GMIP: variants seen among roughly 807,000 people sequenced by gnomAD.
GMIP encodes GEM interacting protein.
Under a neutral mutation model 105.3 loss-of-function variants are expected in GMIP, and 54 were observed. The observed-to-expected ratio is 0.51, with a 90% CI of 0.41 to 0.64. The LOEUF (loss-of-function observed/expected upper bound fraction) is 0.64. GMIP is among the 30% of genes least tolerant of loss of function. GMIP has a pLI of 0.00. For synonymous variants in GMIP, 541 were observed against 560.8 expected (o/e 0.96, Z 0.50); for missense variants, 1,110 against 1,319.4 (o/e 0.84, Z 2.46).
rs2061874405 is a variant in GMIP, at chr19:19,638,012, T to G, written c.835A>C (p.Asn279His). The G allele has an allele frequency of 6.2e-7, 1 of 1,607,624 alleles. No individual in the cohort carries two copies. Among genetic ancestry groups the G allele is most frequent in the Admixed American group, 1.7e-5 (1 of 59,478 alleles). The change falls in exon 10 of 21, where the codon AAC becomes CAC. Residue 279 changes from asparagine (N) to histidine (H), a missense_variant. This residue lies in a region of GMIP where 667 missense variants were observed against 773.2 expected (regional missense o/e 0.86). Transcript: ENST00000203556. ...ALYQACVREA[N>H]ARQQDLEIAK... ...ATCTCCAGGTCCTGCTGCCGCGCGT[T>G]GGCCTCGCGGACACAGGCCTGGTAC...
Position 19,634,950 on chromosome 19 carries a change from A to C in GMIP, c.1750-21T>G, listed in dbSNP as rs759009136. The C allele has an allele frequency of 1.2e-6, 2 of 1,613,670 alleles. No homozygotes were observed. Among genetic ancestry groups the C allele is most frequent in the African/African-American group, 2.7e-5 (2 of 74,892 alleles). ...ATGCCCTGCAGGGTGAGGGTGAAAA[A>C]CAGACACCTGGTTCGTGATAGGCCA... On this transcript the variant is annotated intron_variant, in intron 16 of 20. Transcript: ENST00000203556. The surrounding 1 kb of genome is among the most constrained non-coding windows in gnomAD (Gnocchi z 6.1).
chr19:19,640,555 C>T lies in GMIP; in HGVS notation c.255G>A (p.Leu85=). 1 of 1,614,004 alleles carries T rather than the reference C, an allele frequency of 6.2e-7. No homozygotes were observed. The highest frequency in any genetic ancestry group is 8.5e-7 in the Non-Finnish European group (1 of 1,180,000). ...CACCCCCCTTTGTCCGAATGAGCCG[C>T]AAGTCCAGTTCCTCCCCTGGGGAAG... is the stretch of plus-strand genomic sequence containing the variant. ...PVPLTGEELD[L]RLIRTKGGVD... is the part of the protein sequence containing the mutation. Residue 85 remains leucine (L), a synonymous_variant, in exon 5 of 21, where the codon TTG becomes TTA. Coordinates refer to ENST00000203556, the MANE Select transcript of GMIP (RefSeq NM_016573.4).
Position 19,636,721 on chromosome 19 carries a change from G to A in GMIP, c.1313C>T (p.Pro438Leu). 1 of 1,612,806 alleles carries A rather than the reference G, an allele frequency of 6.2e-7. No individual in the cohort carries two copies. The highest frequency in any genetic ancestry group is 1.3e-5 in the African/African-American group (1 of 74,972). ...GGSESRSLDS[P>L]TSSPGAGTRQ... Reference sequence around the variant, plus strand: ...CCTATCCCTACCTGGGCTGGAAGTGGGTGAGTCCAGGGACCGAGACTCGCT... The same window carrying A: ...CCTATCCCTACCTGGGCTGGAAGTGAGTGAGTCCAGGGACCGAGACTCGCT... Residue 438 changes from proline (P) to leucine (L), a missense_variant, in exon 13 of 21, where the codon CCC becomes CTC. Pro to Leu is a moderately conservative substitution (Grantham distance 98). Transcript: ENST00000203556.
intron 19 of GMIP, among the ~76,000 whole-genome samples, chr19:19,631,443 A>G (rs2061794583): frequency 6.6e-6 from 1 of 152,140 alleles, no homozygotes; most frequent in Non-Finnish European, 1.5e-5. Flanking sequence ...CAGTGTCTAC[A>G]CATCAGACAC....
intron 2 of GMIP, 142 bp downstream of exon 2, chr19:19,642,393 A>G: frequency 1.5e-6 from 1 of 650,364 alleles, no homozygotes; most frequent in Non-Finnish European, 2.8e-6. Flanking sequence ...GGCATTTTGG[A>G]GGGTCCCATC....
At chr19:19,641,454 C>T (rs1226783417) in intron 4 of GMIP, among the ~76,000 whole-genome samples, 3 of 152,230 alleles carry the variant, frequency 2.0e-5, no homozygotes, top group Non-Finnish European at 4.4e-5. Flanking sequence ...TCGTATCTCA[C>T]TGCAGCCTCA....
At position 19,641,857 on chromosome 19, in the gene GMIP, G is replaced by A; in HGVS notation, c.191C>T (p.Ala64Val). Residue 64 changes from alanine to valine, a missense_variant, in exon 4 of 21, where the codon GCC becomes GTC. This residue lies in a region of GMIP where 667 missense variants were observed against 773.2 expected (regional missense o/e 0.86). Transcript: ENST00000203556. ...KTPTATVTNE[A>V]SCWSGPSPEG... ...TGGGGAGGGGCCGCTCCAACAGCTG[G>A]CTTCGTTGGTCTGTGCGGGAGGGAG... 1.2e-6 allele frequency: 2 copies of A among 1,613,324 alleles called. No homozygotes were observed. The highest frequency in any genetic ancestry group is 1.1e-5 in the South Asian group (1 of 91,008).
chr19:19,638,762 T>A (rs2061885930), intron 7 of GMIP, among the ~76,000 whole-genome samples: 1 of 151,198 alleles, frequency 6.6e-6, no homozygotes, highest in African/African-American at 2.4e-5. Flanking sequence ...CTAGTTAATT[T>A]AAAAAACAAT....
In GMIP at chr19:19,639,322, C is replaced by G. The variant is rs567738514; in HGVS notation, c.537+763G>C. 3.9e-4 allele frequency among the ~76,000 whole-genome samples: 59 copies of G among 151,218 alleles called. 1 individual carries two copies. The highest frequency in any genetic ancestry group is 7.4e-4 in the Non-Finnish European group (50 of 67,888). On this transcript the variant is annotated intron_variant, in intron 7 of 20. Transcript: ENST00000203556. Reference sequence around the variant, plus strand: ...TCTCAAACTCCTGGGCTCAAGCAATCCTCCCTCCTTGGCCCCCAGAAGTGC... The same window carrying G: ...TCTCAAACTCCTGGGCTCAAGCAATGCTCCCTCCTTGGCCCCCAGAAGTGC...
chr19:19,634,437 G>T lies in GMIP; in HGVS notation c.2084+70C>A. 7.5e-7 allele frequency: 1 copy of T among 1,326,838 alleles called. No homozygotes were observed. 82.2% of individuals were successfully genotyped at this position (1,326,838 alleles called of 1,614,324 possible). ...GGTCAGAGGTCAGTGTCAGGGGTCAGCCAGGGAAGTTAGTAGTCGCATGTC... is the reference window on the plus strand; with the variant it reads ...GGTCAGAGGTCAGTGTCAGGGGTCATCCAGGGAAGTTAGTAGTCGCATGTC... On this transcript the variant is annotated intron_variant, in intron 18 of 20. Coordinates refer to ENST00000203556, the MANE Select transcript of GMIP (RefSeq NM_016573.4). The surrounding 1 kb of genome is among the most constrained non-coding windows in gnomAD (Gnocchi z 6.1).
chr19:19,636,895 AC>A (rs764035279), intron 12 of GMIP, 21 bp downstream of exon 12: 3 of 1,557,042 alleles, frequency 1.9e-6, no homozygotes, highest in African/African-American at 2.7e-5. Flanking sequence ...CACCACTCCC[AC>A]CTGGCCCTCA....
chr19:19,632,243 G>A (rs1182701500), intron 19 of GMIP, among the ~76,000 whole-genome samples: 1 of 151,996 alleles, frequency 6.6e-6, no homozygotes, highest in Non-Finnish European at 1.5e-5. Flanking sequence ...ACGGTGAACA[G>A]AGATCACGCC....
chr19:19,637,931 C>G lies in GMIP; in HGVS notation c.916G>C (p.Val306Leu). ...VRKLVFQGDE[V>L]LRRVTLSLFG... ...GGGATGGGCCTCACCCGCCTCAGCA[C>G]TTCATCCCCCTGAAACACCAGCTTG... Residue 306 changes from valine to leucine, a missense_variant, in exon 10 of 21, where the codon GTG becomes CTG. Val to Leu is a conservative substitution (Grantham distance 32). Transcript: ENST00000203556. The surrounding 1 kb of genome is among the most constrained non-coding windows in gnomAD (Gnocchi z 6.7). The G allele has an allele frequency of 1.2e-6, 2 of 1,605,500 alleles. No homozygotes were observed. The highest frequency in any genetic ancestry group is 1.7e-6 in the Non-Finnish European group (2 of 1,176,554).
Position 19,638,231 on chromosome 19 carries a change from G to A in GMIP, c.717C>T (p.Ala239=), listed in dbSNP as rs1267321924. The A allele has an allele frequency of 4.4e-6, 7 of 1,600,782 alleles. No homozygotes were observed. The highest frequency in any genetic ancestry group is 1.1e-5 in the South Asian group (1 of 90,768). ...ARSQGSPEDS[A]PQASPGPSKQ... is the part of the protein sequence containing the mutation. Reference sequence around the variant, plus strand: ...TGCTAGGTCCCGGCGAGGCCTGGGGGGCCGAGTCCTCAGGGGACCCCTGGG... The same window carrying A: ...TGCTAGGTCCCGGCGAGGCCTGGGGAGCCGAGTCCTCAGGGGACCCCTGGG... The change falls in exon 9 of 21, where the codon GCC becomes GCT. Residue 239 remains alanine, a synonymous_variant. Coordinates refer to ENST00000203556, the MANE Select transcript of GMIP (RefSeq NM_016573.4).
Position 19,637,467 on chromosome 19 carries a change from G to T in GMIP, c.1022C>A (p.Pro341Gln). Reference sequence around the variant, plus strand: ...TACAAACTCCTGGTAGCGCTGGCCCGGCTCAAAGGGCGCACAGCACTCGGC... The same window carrying T: ...TACAAACTCCTGGTAGCGCTGGCCCTGCTCAAAGGGCGCACAGCACTCGGC... ...ALAECCAPFE[P>Q]GQRYQEFVRA... The change falls in exon 11 of 21, where the codon CCG (proline) becomes CAG (glutamine). Residue 341 changes from proline to glutamine, a missense_variant. Physicochemically the swap from Pro to Gln is moderately conservative, Grantham distance 76. This residue lies in a region of GMIP where 667 missense variants were observed against 773.2 expected (regional missense o/e 0.86). Coordinates refer to ENST00000203556, the MANE Select transcript of GMIP (RefSeq NM_016573.4). The surrounding 1 kb of genome is among the most constrained non-coding windows in gnomAD (Gnocchi z 6.7). 1 of 1,532,000 alleles carries T rather than the reference G, an allele frequency of 6.5e-7. No homozygotes were observed. Among genetic ancestry groups the T allele is most frequent in the Non-Finnish European group, 8.8e-7 (1 of 1,140,868 alleles). The allele number at this position is 1,532,000 out of a possible 1,614,324, so 94.9% of individuals were successfully genotyped here. A position where few individuals can be genotyped will look rare whatever the true frequency, so the allele number is the denominator to read the frequency against.
chr19:19,640,331 T>G lies in GMIP; in HGVS notation c.394A>C (p.Ile132Leu), dbSNP rs985230670. The part of the protein sequence containing the change: ...ELEFAKSTMK[I>L]AEAGKVSIQQ... The stretch of plus-strand genomic sequence containing the variant: ...ATGGACACCTTGCCAGCTTCAGCGA[T>G]CTTCATGGTGCTCTTAGCAAACTCC... Residue 132 changes from isoleucine (I) to leucine (L), a missense_variant, in exon 6 of 21, where the codon ATC (isoleucine) becomes CTC (leucine). By Grantham distance (5) the Ile-to-Leu change is conservative (BLOSUM62 2). Around this residue, in one of 3 missense-constraint regions of GMIP, gnomAD observed 667 missense variants for 773.2 expected, o/e 0.86. Coordinates refer to ENST00000203556, the MANE Select transcript of GMIP (RefSeq NM_016573.4). The G allele has an allele frequency of 3.7e-6, 6 of 1,613,894 alleles. No individual in the cohort carries two copies. The African/African-American group carries it at 6.7e-5, about 18-fold the overall frequency.
chr19:19,636,014 G>A (rs992934127), intron 13 of GMIP, among the ~76,000 whole-genome samples: 5 of 151,930 alleles, frequency 3.3e-5, no homozygotes, highest in African/African-American at 1.2e-4. Flanking sequence ...CACCAGCCTG[G>A]CCAACATGGC....
At position 19,635,320 on chromosome 19, in the gene GMIP, G is replaced by A. The variant is rs113619686; in HGVS notation, c.1560+95C>T. 20,534 of 1,538,142 alleles carry A rather than the reference G, an allele frequency of 0.013. 228 individuals are homozygous for A. Among genetic ancestry groups the A allele is most frequent in the Middle Eastern group, 0.063 (343 of 5,464 alleles). On this transcript the variant is annotated intron_variant, in intron 15 of 20. Coordinates refer to ENST00000203556, the MANE Select transcript of GMIP (RefSeq NM_016573.4). The surrounding 1 kb of genome is among the most constrained non-coding windows in gnomAD (Gnocchi z 4.7). The stretch of plus-strand genomic sequence containing the variant: ...GGGCTCATGGGAGACATCAGGTTAG[G>A]GTGGGTCCCAGGGGCAGAAAGGCTG...
Position 19,637,611 on chromosome 19 carries a change from G to C in GMIP, c.928-50C>G, listed in dbSNP as rs2061869510. ...GGGAGGGGCGGAGCCTGGGAGCCTG[G>C]GGGCAGGGCCAGAGCTGGGGCGGGG... On this transcript the variant is annotated intron_variant, in intron 10 of 20. Coordinates refer to ENST00000203556, the MANE Select transcript of GMIP (RefSeq NM_016573.4). This position sits in a 1 kb window ranked among gnomAD's most constrained non-coding sequence, Gnocchi z 6.7. 1 of 1,395,784 alleles carries C rather than the reference G, an allele frequency of 7.2e-7. No homozygotes were observed. The highest frequency in any genetic ancestry group is 9.5e-7 in the Non-Finnish European group (1 of 1,054,040). The allele number at this position is 1,395,784 out of a possible 1,614,324, so 86.5% of individuals were successfully genotyped here. A position where few individuals can be genotyped will look rare whatever the true frequency, so the allele number is the denominator to read the frequency against.
Sources: gnomAD v4.1 joint callset for allele counts (sites outside exome capture counted in the v4.1 genomes callset) on GRCh38, gnomAD v4.1.1 for gene constraint, gnomAD v4.1.1 regional missense constraint, Gnocchi (gnomAD v3.1) non-coding constraint, MANE v1.5 for transcripts, NCBI Gene and HGNC (gene_info 2026-07-23, HGNC 2026-07-21) for gene names.